Variants in SEZ6L observed in about 807,000 individuals in gnomAD.
The protein encoded by SEZ6L is seizure 6-like protein.
Under a neutral mutation model 106.2 loss-of-function variants are expected in SEZ6L, and 37 were observed. The observed-to-expected ratio is 0.35, with a 90% CI of 0.27 to 0.46. The LOEUF is 0.46. SEZ6L is among the 20% of genes least tolerant of loss of function. The pLI is 1.00. For synonymous variants in SEZ6L, 541 were observed against 570.4 expected, an observed-to-expected ratio of 0.95 and a Z score of 0.73; for missense variants, 1,172 against 1,332.8, an observed-to-expected ratio of 0.88 and a Z score of 1.88.
intron 1 of SEZ6L, among the ~76,000 whole-genome samples, chr22:26,256,195 T>C (rs1339061467): frequency 6.6e-6 from 1 of 152,032 alleles, no homozygotes; most frequent in African/African-American, 2.4e-5. Flanking sequence ...AGGTAAACAA[T>C]GAAAGGCAGA....
chr22:26,354,303 G>A (rs1020128172), intron 12 of SEZ6L, among the ~76,000 whole-genome samples: 1 of 152,208 alleles, frequency 6.6e-6, no homozygotes, highest in African/African-American at 2.4e-5. Flanking sequence ...GACACAGATG[G>A]GGACACAGAT....
At chr22:26,314,066 A>G (rs1317091367) in intron 9 of SEZ6L, among the ~76,000 whole-genome samples, 164 bp downstream of exon 9, 1 of 139,594 alleles carries the variant, frequency 7.2e-6, no homozygotes, top group Non-Finnish European at 1.5e-5. Context: ...GAACAGCATC[A>G]CAAATACACA....
chr22:26,226,635 A>G (rs1384750406), intron 1 of SEZ6L, among the ~76,000 whole-genome samples: 1 of 152,140 alleles, frequency 6.6e-6, no homozygotes, highest in Non-Finnish European at 1.5e-5. Flanking sequence ...CTGTGGCAGA[A>G]ACTGTGGATA....
chr22:26,208,854 G>C (rs35154760), intron 1 of SEZ6L, among the ~76,000 whole-genome samples: 837 of 18,486 alleles, frequency 0.045, 8 homozygotes, highest in African/African-American at 0.22. Flanking sequence ...CTCTCTCTGT[G>C]TGTGTGTGTG....
intron 1 of SEZ6L, among the ~76,000 whole-genome samples, chr22:26,277,649 A>G (rs553097072): frequency 6.6e-6 from 1 of 152,300 alleles, no homozygotes; most frequent in African/African-American, 2.4e-5. Context: ...CAAATCTACA[A>G]TCCGTCACTT....
intron 9 of SEZ6L, among the ~76,000 whole-genome samples, chr22:26,338,085 G>A (rs1280309630): frequency 6.6e-6 from 1 of 152,182 alleles, no homozygotes; most frequent in Non-Finnish European, 1.5e-5. Context: ...GAGGGCCACT[G>A]TCAGTCTGCA....
At chr22:26,328,336 T>C (rs1305935774) in intron 9 of SEZ6L, among the ~76,000 whole-genome samples, 1 of 152,146 alleles carries the variant, frequency 6.6e-6, no homozygotes, top group African/African-American at 2.4e-5. Context: ...AAAATGCTCT[T>C]GTAGTGGAAT....
chr22:26,267,230 T>C (rs144489231), intron 1 of SEZ6L, among the ~76,000 whole-genome samples: 2 of 152,284 alleles, frequency 1.3e-5, no homozygotes, highest in Non-Finnish European at 2.9e-5. Flanking sequence ...CTCACACTTC[T>C]AGGAAATGAC....
chr22:26,247,777 T>C (rs2073257), intron 1 of SEZ6L, among the ~76,000 whole-genome samples: 16,041 of 152,200 alleles, frequency 0.11, 1,101 homozygotes, highest in East Asian at 0.25. Context: ...TCTCTAGGCT[T>C]TGGGATTTTA....
chr22:26,324,142 A>C (rs1372410424), intron 9 of SEZ6L, among the ~76,000 whole-genome samples: 1 of 151,730 alleles, frequency 6.6e-6, no homozygotes, highest in East Asian at 1.9e-4. Context: ...AGTGCTCCAC[A>C]TGAGAGAAAT....
chr22:26,169,623 C>G lies in SEZ6L; in HGVS notation c.-47C>G, dbSNP rs1601939069. 1 of 706,056 alleles carries G rather than the reference C, an allele frequency of 1.4e-6. No individual in the cohort carries two copies. Among genetic ancestry groups the G allele is most frequent in the South Asian group, 3.0e-5 (1 of 33,860 alleles). The allele number at this position is 706,056 out of a possible 1,614,324, so 43.7% of individuals were successfully genotyped here. ...CGCCCTCCTTCCCCAGCTCCCTCGCCGTCCGCCCGCCCCACAGCCAGCGGC... is the reference window on the plus strand; with the variant it reads ...CGCCCTCCTTCCCCAGCTCCCTCGCGGTCCGCCCGCCCCACAGCCAGCGGC... On this transcript the variant is annotated 5_prime_UTR_variant, in exon 1 of 17. Transcript: ENST00000248933.
intron 1 of SEZ6L, among the ~76,000 whole-genome samples, chr22:26,280,558 C>T (rs1412989464): frequency 1.3e-5 from 2 of 152,124 alleles, no homozygotes; most frequent in East Asian, 1.9e-4. Context: ...TTCTTTATTG[C>T]TAGTAGGACT....
chr22:26,335,932 C>T (rs1276315852), intron 9 of SEZ6L, among the ~76,000 whole-genome samples: 3 of 152,170 alleles, frequency 2.0e-5, no homozygotes, highest in East Asian at 1.9e-4. Flanking sequence ...TCGACCCTCC[C>T]TCCTATGATG....
In SEZ6L at chr22:26,238,141, G is replaced by A. The variant is rs555182955; in HGVS notation, c.95-54265G>A. ...CATGTCCCTATTATTAATTAAAGGG[G>A]CAGGGCATTGGTCAGAGCAGGCAGA... On this transcript the variant is annotated intron_variant, in intron 1 of 16. Transcript: ENST00000248933. Among the ~76,000 whole-genome samples, 4 of 152,296 alleles carry A rather than the reference G, an allele frequency of 2.6e-5. No homozygotes were observed. The East Asian group carries it at 5.8e-4, about 22-fold the overall frequency.
chr22:26,365,283 C>G, intron 12 of SEZ6L, 89 bp from the exon 13 acceptor site: 1 of 1,158,320 alleles, frequency 8.6e-7, no homozygotes, highest in African/African-American at 1.5e-5. Context: ...GCTGGAGAGG[C>G]TGACCAAAGC....
intron 1 of SEZ6L, among the ~76,000 whole-genome samples, chr22:26,263,717 G>A (rs1056009255): frequency 1.3e-5 from 2 of 152,200 alleles, no homozygotes; most frequent in African/African-American, 4.8e-5. Context: ...TCCTTACTCA[G>A]CATTTACAGT....
chr22:26,323,926 G>A (rs779223103), intron 9 of SEZ6L, among the ~76,000 whole-genome samples: 2 of 151,968 alleles, frequency 1.3e-5, no homozygotes, highest in East Asian at 1.9e-4. Flanking sequence ...TCTACATCAC[G>A]TCAGTGTGAC....
At chr22:26,189,911 G>C (rs1406986928) in intron 1 of SEZ6L, among the ~76,000 whole-genome samples, 4 of 151,958 alleles carry the variant, frequency 2.6e-5, no homozygotes, top group African/African-American at 7.2e-5. Context: ...TCCTGGCTAA[G>C]ATGGTGAAAC....
At chr22:26,196,515 T>C (rs1940591649) in intron 1 of SEZ6L, among the ~76,000 whole-genome samples, 1 of 152,156 alleles carries the variant, frequency 6.6e-6, no homozygotes, top group African/African-American at 2.4e-5. Context: ...AAAGTCAGGC[T>C]CCAGAACACA....
Sources: gnomAD v4.1 joint callset for allele counts (sites outside exome capture counted in the v4.1 genomes callset) on GRCh38, gnomAD v4.1.1 for gene constraint, MANE v1.5 for transcripts, NCBI Gene and HGNC (gene_info 2026-07-23, HGNC 2026-07-21) for gene names.